Variants in TRAT1 observed in about 807,000 individuals in gnomAD.
TRAT1 encodes T cell receptor associated transmembrane adaptor 1.
In TRAT1, 20 loss-of-function variants were observed where a neutral mutation model predicts 20.0. That is an observed-to-expected ratio of 1.00 (90% CI 0.70 to 1.45). The LOEUF is 1.45. Ranked by LOEUF, TRAT1 falls within the 40% of genes most tolerant of loss-of-function variation. The probability of loss-of-function intolerance (pLI) is 0.00; values close to 1 mark genes in which losing one functional copy is unlikely to be tolerated. For missense variants in TRAT1, 237 were observed against 224.1 expected (o/e 1.06, Z -0.37); for synonymous variants, 77 against 74.2 (o/e 1.04, Z -0.20).
At chr3:108,843,558 A>T (rs1269704223) in intron 3 of TRAT1, among the ~76,000 whole-genome samples, 1 of 148,568 alleles carries the variant, frequency 6.7e-6, no homozygotes, top group Non-Finnish European at 1.5e-5. Context: ...TAAACAAAAC[A>T]ACAACAACAA....
intron 1 of TRAT1, among the ~76,000 whole-genome samples, chr3:108,828,899 A>G (rs1945766402): frequency 1.3e-5 from 2 of 152,192 alleles, no homozygotes; most frequent in Admixed American, 1.3e-4. Context: ...CATGTCCAGA[A>G]TAGAAAGTCA....
At chr3:108,850,778 A>G (rs1945991716) in intron 5 of TRAT1, among the ~76,000 whole-genome samples, 1 of 152,238 alleles carries the variant, frequency 6.6e-6, no homozygotes, top group South Asian at 2.1e-4. Flanking sequence ...AAACCTCTCA[A>G]GGAAGGTTAA....
chr3:108,846,991 G>A (rs1945952934), intron 3 of TRAT1, 77 bp from the exon 4 acceptor site: 3 of 1,004,158 alleles, frequency 3.0e-6, no homozygotes, highest in Non-Finnish European at 4.6e-6. Flanking sequence ...ACTTAATATT[G>A]AATTTAGCTG....
At chr3:108,827,688 T>C (rs569028921) in intron 1 of TRAT1, among the ~76,000 whole-genome samples, 1 of 152,094 alleles carries the variant, frequency 6.6e-6, no homozygotes, top group East Asian at 1.9e-4. Flanking sequence ...CCAGAGACCA[T>C]GTGAAACTGC....
chr3:108,828,577 G>A (rs543723655), intron 1 of TRAT1, among the ~76,000 whole-genome samples: 42 of 152,246 alleles, frequency 2.8e-4, no homozygotes, highest in African/African-American at 9.9e-4. Context: ...CTTTATATTT[G>A]AGACACCATG....
At chr3:108,831,383 C>A (rs1945791467) in intron 2 of TRAT1, among the ~76,000 whole-genome samples, 1 of 152,182 alleles carries the variant, frequency 6.6e-6, no homozygotes, top group African/African-American at 2.4e-5. Context: ...TATGCCACAA[C>A]TGAAATGGCC....
At chr3:108,828,116 G>T (rs1205409303) in intron 1 of TRAT1, among the ~76,000 whole-genome samples, 1 of 151,960 alleles carries the variant, frequency 6.6e-6, no homozygotes, top group Non-Finnish European at 1.5e-5. Flanking sequence ...TAAGATTAGG[G>T]CTTTCTGTTT....
intron 1 of TRAT1, among the ~76,000 whole-genome samples, chr3:108,826,665 G>C (rs1052862908): frequency 1.3e-5 from 2 of 151,998 alleles, no homozygotes; most frequent in Non-Finnish European, 2.9e-5. Context: ...GAGATTTCTG[G>C]GTGCCTAAAA....
At chr3:108,830,627 T>G (rs758129627) in intron 1 of TRAT1, 43 bp from the exon 2 acceptor site, 4 of 1,326,128 alleles carry the variant, frequency 3.0e-6, no homozygotes, top group African/African-American at 1.4e-5. Context: ...AACAAATGGG[T>G]AAGCAGCTGT....
chr3:108,823,302 G>T (rs917454866), intron 1 of TRAT1, among the ~76,000 whole-genome samples: 1 of 152,170 alleles, frequency 6.6e-6, no homozygotes, highest in East Asian at 1.9e-4. Flanking sequence ...ATTCCTCAGA[G>T]ATTAGGCACT....
intron 3 of TRAT1, among the ~76,000 whole-genome samples, chr3:108,843,112 A>G (rs1346951406): frequency 2.0e-5 from 3 of 152,240 alleles, no homozygotes; most frequent in Non-Finnish European, 4.4e-5. Context: ...GCATATATGC[A>G]TCACTCTGTC....
At chr3:108,852,967 A>C (rs1357775176) in intron 5 of TRAT1, among the ~76,000 whole-genome samples, 1 of 152,232 alleles carries the variant, frequency 6.6e-6, no homozygotes, top group Non-Finnish European at 1.5e-5. Context: ...TAGTCCGGAG[A>C]AGCCCACTGG....
At chr3:108,849,713 A>G (rs1383214718) in intron 5 of TRAT1, among the ~76,000 whole-genome samples, 1 of 152,214 alleles carries the variant, frequency 6.6e-6, no homozygotes, top group African/African-American at 2.4e-5. Context: ...TTCAATTTTA[A>G]TACAAGTCCT....
intron 2 of TRAT1, among the ~76,000 whole-genome samples, chr3:108,831,519 A>T (rs1945792689): frequency 1.3e-5 from 2 of 151,890 alleles, no homozygotes. Context: ...ATGAAAGTTC[A>T]AATATTGCTG....
At position 108,853,642 on chromosome 3, in the gene TRAT1, G is replaced by T; in HGVS notation, c.326G>T (p.Cys109Phe). The T allele has an allele frequency of 1.9e-6, 3 of 1,613,990 alleles. No homozygotes were observed. The highest frequency in any genetic ancestry group is 2.5e-6 in the Non-Finnish European group (3 of 1,179,910). Residue 109 changes from cysteine to phenylalanine, a missense_variant, in exon 6 of 6, where the codon TGC becomes TTC. By Grantham distance (205) the Cys-to-Phe change is radical (BLOSUM62 -2). Transcript: ENST00000295756. Reference protein sequence around the residue: ...SAQATNETQMCYASLDHSVKG... With the variant: ...SAQATNETQMFYASLDHSVKG... ...TAGGCAACCAATGAAACACAGATGT[G>T]CTACGCCTCACTTGATCACAGCGTT...
chr3:108,839,113 TA>T, intron 3 of TRAT1, 146 bp downstream of exon 3: 1 of 646,098 alleles, frequency 1.5e-6, no homozygotes, highest in Non-Finnish European at 2.8e-6. Flanking sequence ...TACTCTCATC[TA>T]AAGATCAGAA....
At chr3:108,843,181 C>T (rs764965477) in intron 3 of TRAT1, among the ~76,000 whole-genome samples, 1 of 152,188 alleles carries the variant, frequency 6.6e-6, no homozygotes, top group Non-Finnish European at 1.5e-5. Context: ...ATCATTCCCA[C>T]CAATATATAA....
At chr3:108,827,680 A>G (rs1276835159) in intron 1 of TRAT1, among the ~76,000 whole-genome samples, 1 of 152,150 alleles carries the variant, frequency 6.6e-6, no homozygotes, top group Non-Finnish European at 1.5e-5. Context: ...AGAGGAAACC[A>G]GAGACCATGT....
chr3:108,852,843 A>C (rs1312013236), intron 5 of TRAT1, among the ~76,000 whole-genome samples: 1 of 152,250 alleles, frequency 6.6e-6, no homozygotes, highest in Non-Finnish European at 1.5e-5. Context: ...ACTGTATGGC[A>C]GAGCTGGGAT....
Sources: gnomAD v4.1 joint callset for allele counts (sites outside exome capture counted in the v4.1 genomes callset) on GRCh38, gnomAD v4.1.1 for gene constraint, MANE v1.5 for transcripts, NCBI Gene and HGNC (gene_info 2026-07-23, HGNC 2026-07-21) for gene names.